Variants in PAG1 observed in about 807,000 individuals in gnomAD.
PAG1 encodes the protein phosphoprotein associated with glycosphingolipid-enriched microdomains 1.
PAG1 carries 23 observed loss-of-function variants against 31.7 expected under a neutral mutation model. The ratio of observed to expected loss-of-function variants is 0.73; its 90% CI spans 0.52 to 1.03. The LOEUF is 1.03. Ranked by LOEUF, PAG1 falls within the 50% of genes least tolerant of loss-of-function variation. PAG1 has a pLI of 0.00. For synonymous variants in PAG1, 214 were observed against 210.3 expected, an observed-to-expected ratio of 1.02 and a Z score of -0.15; for missense variants, 473 against 540.7, an observed-to-expected ratio of 0.87 and a Z score of 1.24.
intron 1 of PAG1, among the ~76,000 whole-genome samples, chr8:81,101,113 G>A (rs1037627373): frequency 6.6e-6 from 1 of 152,236 alleles, no homozygotes; most frequent in Non-Finnish European, 1.5e-5. Context: ...ATTAAATTAA[G>A]TGTAAGTTTA....
At chr8:81,030,148 A>G (rs1808355558) in intron 2 of PAG1, 59 bp from the exon 3 acceptor site, 1 of 152,270 alleles carries the variant, frequency 6.6e-6, no homozygotes, top group Non-Finnish European at 1.5e-5. Context: ...ACTGTGAAAG[A>G]TACTTGTTCA....
At chr8:81,043,440 T>C (rs1170813663) in intron 2 of PAG1, among the ~76,000 whole-genome samples, 2 of 152,110 alleles carry the variant, frequency 1.3e-5, no homozygotes, top group East Asian at 3.8e-4. Context: ...TTGTTACATA[T>C]ATAGTACCCT....
intron 1 of PAG1, among the ~76,000 whole-genome samples, chr8:81,088,330 T>G (rs1421134204): frequency 1.3e-5 from 2 of 152,194 alleles, no homozygotes; most frequent in Non-Finnish European, 2.9e-5. Flanking sequence ...TTCCTGGCAC[T>G]AAAATAAGCA....
chr8:80,976,528 G>T lies in PAG1; in HGVS notation c.*16C>A. On this transcript the variant is annotated 3_prime_UTR_variant, in exon 9 of 9. Coordinates refer to ENST00000220597, the MANE Select transcript of PAG1 (RefSeq NM_018440.4). Reference sequence around the variant, plus strand: ...AGACACTGATCACAGGCTACCCAGGGTTGTCTTCTGGGTTGCTAGAGCCTG... The same window carrying T: ...AGACACTGATCACAGGCTACCCAGGTTTGTCTTCTGGGTTGCTAGAGCCTG... The T allele has an allele frequency of 6.3e-7, 1 of 1,596,268 alleles. No individual in the cohort carries two copies. Among genetic ancestry groups the T allele is most frequent in the Non-Finnish European group, 8.5e-7 (1 of 1,172,932 alleles).
At chr8:81,037,427 G>A (rs926764119) in intron 2 of PAG1, among the ~76,000 whole-genome samples, 2 of 152,118 alleles carry the variant, frequency 1.3e-5, no homozygotes, top group Non-Finnish European at 2.9e-5. Context: ...AGTGTGGCTT[G>A]GATATGAATT....
chr8:81,094,828 C>T (rs1277980641), intron 1 of PAG1, among the ~76,000 whole-genome samples: 1 of 152,176 alleles, frequency 6.6e-6, no homozygotes, highest in African/African-American at 2.4e-5. Context: ...GTTGTTCTTA[C>T]CATTTTCACA....
At chr8:81,043,419 T>A (rs567885198) in intron 2 of PAG1, among the ~76,000 whole-genome samples, 2 of 152,018 alleles carry the variant, frequency 1.3e-5, no homozygotes, top group South Asian at 4.2e-4. Context: ...ATCGAAAGAG[T>A]CTTTCTTTCT....
intron 1 of PAG1, among the ~76,000 whole-genome samples, chr8:81,086,500 T>C (rs1272069707): frequency 6.6e-6 from 1 of 151,748 alleles, no homozygotes; most frequent in Non-Finnish European, 1.5e-5. Flanking sequence ...AATGTGTGTG[T>C]GTGTGCGCGC....
In PAG1 at chr8:80,972,127, C is replaced by A. The variant is rs76229209; in HGVS notation, c.*4417G>T. ...AAGACACATGTTCCTATTTTCACAT[C>A]AGTCATTTATTAACACCAAACATTA... On this transcript the variant is annotated 3_prime_UTR_variant, in exon 9 of 9. Transcript: ENST00000220597. The A allele has an allele frequency of 1.3e-5, 2 of 152,312 alleles. No individual in the cohort carries two copies. Among genetic ancestry groups the A allele is most frequent in the East Asian group, 3.9e-4 (2 of 5,186 alleles). 9.4% of individuals were successfully genotyped at this position (152,312 alleles called of 1,614,324 possible).
chr8:80,987,871 A>C (rs112643220), intron 5 of PAG1, among the ~76,000 whole-genome samples: 3 of 152,238 alleles, frequency 2.0e-5, no homozygotes, highest in Non-Finnish European at 4.4e-5. Context: ...ACTGTGGGTA[A>C]CTGAAACTGC....
intron 7 of PAG1, among the ~76,000 whole-genome samples, chr8:80,981,360 A>G (rs1807296189): frequency 6.6e-6 from 1 of 151,944 alleles, no homozygotes; most frequent in Non-Finnish European, 1.5e-5. Context: ...CTTAAGCTCC[A>G]TAGTCAACTG....
chr8:81,107,196 C>G (rs938268935), intron 1 of PAG1, among the ~76,000 whole-genome samples: 2 of 152,056 alleles, frequency 1.3e-5, no homozygotes, highest in African/African-American at 2.4e-5. Context: ...GAGCTCATTG[C>G]GTGAACTAAG....
intron 7 of PAG1, among the ~76,000 whole-genome samples, chr8:80,981,808 A>G (rs529037308): frequency 6.7e-6 from 1 of 150,344 alleles, no homozygotes; most frequent in South Asian, 2.1e-4. Flanking sequence ...TCATTCTAAA[A>G]CCAAAACAAA....
intron 1 of PAG1, among the ~76,000 whole-genome samples, chr8:81,102,675 A>G (rs1809628142): frequency 6.6e-6 from 1 of 152,216 alleles, no homozygotes; most frequent in Non-Finnish European, 1.5e-5. Flanking sequence ...ATCTGCTTCA[A>G]TAGTAGCAAA....
intron 1 of PAG1, among the ~76,000 whole-genome samples, chr8:81,077,053 T>C (rs1191035816): frequency 1.3e-5 from 2 of 152,230 alleles, no homozygotes; most frequent in Non-Finnish European, 2.9e-5. Flanking sequence ...ATCGTAGAGT[T>C]AATGGAAGCT....
intron 4 of PAG1, among the ~76,000 whole-genome samples, chr8:80,992,451 T>C (rs1807571137): frequency 6.6e-6 from 1 of 152,238 alleles, no homozygotes; most frequent in Non-Finnish European, 1.5e-5. Context: ...ATCAGAAGGT[T>C]ATGTGCTTTG....
At chr8:80,995,727 T>C (rs1045370773) in intron 3 of PAG1, among the ~76,000 whole-genome samples, 1 of 152,216 alleles carries the variant, frequency 6.6e-6, no homozygotes, top group African/African-American at 2.4e-5. Flanking sequence ...GTGTGAGTTA[T>C]TCAAAAGCCA....
chr8:81,042,760 C>T lies in PAG1; in HGVS notation c.-174-12671G>A, dbSNP rs542879898. Among the ~76,000 whole-genome samples the T allele has an allele frequency of 2.0e-5, 3 of 152,160 alleles. No individual in the cohort carries two copies. The South Asian group carries it at 6.2e-4, about 32-fold the overall frequency. ...AGAAGGGGTAAAGACTTTTCCCTCC[C>T]ATTTCAGAGATAAGTACCTATCCCT... On this transcript the variant is annotated intron_variant, in intron 2 of 8. Coordinates refer to ENST00000220597, the MANE Select transcript of PAG1 (RefSeq NM_018440.4).
chr8:81,040,679 C>T (rs1333646562), intron 2 of PAG1: 1 of 13,070 alleles, frequency 7.7e-5, no homozygotes, highest in African/African-American at 3.1e-4. Context: ...GAATATATTT[C>T]TTTCAAACTG....
Sources: gnomAD v4.1 joint callset for allele counts (sites outside exome capture counted in the v4.1 genomes callset) on GRCh38, gnomAD v4.1.1 for gene constraint, MANE v1.5 for transcripts, NCBI Gene and HGNC (gene_info 2026-07-23, HGNC 2026-07-21) for gene names.